HS6ST3: variants seen among roughly 807,000 people sequenced by gnomAD.
The protein encoded by HS6ST3 is heparan sulfate 6-O-sulfotransferase 3.
HS6ST3 carries 12 observed loss-of-function variants against 36.7 expected under a neutral mutation model. The observed-to-expected ratio is 0.33, with a 90% CI of 0.21 to 0.53. The LOEUF (loss-of-function observed/expected upper bound fraction) is 0.53. HS6ST3 is among the 20% of genes least tolerant of loss of function. HS6ST3 has a pLI of 0.95. For missense variants in HS6ST3, 584 were observed against 640.9 expected (o/e 0.91, Z 0.96); for synonymous variants, 240 against 257.5 (o/e 0.93, Z 0.65).
chr13:96,813,093 T>C (rs181164640), intron 1 of HS6ST3, among the ~76,000 whole-genome samples: 4 of 152,296 alleles, frequency 2.6e-5, no homozygotes, highest in Non-Finnish European at 4.4e-5. Flanking sequence ...TTAAAGCGCT[T>C]GCTTTTGAGA....
chr13:96,601,861 A>T (rs1297421452), intron 1 of HS6ST3, among the ~76,000 whole-genome samples: 2 of 152,114 alleles, frequency 1.3e-5, no homozygotes, highest in Non-Finnish European at 2.9e-5. Flanking sequence ...GGTGCTTTCC[A>T]TGGCAAAGAC....
chr13:96,160,252 C>G (rs2054129563), intron 1 of HS6ST3, among the ~76,000 whole-genome samples: 1 of 152,150 alleles, frequency 6.6e-6, no homozygotes, highest in South Asian at 2.1e-4. Flanking sequence ...TTATAGCTTT[C>G]TAAAGTCTTT....
chr13:96,248,121 C>T (rs2054592470), intron 1 of HS6ST3, among the ~76,000 whole-genome samples: 1 of 152,130 alleles, frequency 6.6e-6, no homozygotes, highest in South Asian at 2.1e-4. Context: ...TATTCAAATA[C>T]TTGCCCTAAA....
intron 1 of HS6ST3, among the ~76,000 whole-genome samples, chr13:96,689,554 G>A (rs1294183343): frequency 6.7e-6 from 1 of 149,482 alleles, no homozygotes; most frequent in East Asian, 2.0e-4. Flanking sequence ...TTAATTGGTT[G>A]CTTAGTCGTC....
intron 1 of HS6ST3, among the ~76,000 whole-genome samples, chr13:96,098,695 T>A (rs2053803640): frequency 6.6e-6 from 1 of 152,052 alleles, no homozygotes; most frequent in Non-Finnish European, 1.5e-5. Context: ...AACTCTGAAG[T>A]CAAACTACCT....
intron 1 of HS6ST3, among the ~76,000 whole-genome samples, chr13:96,795,614 G>T (rs1446949712): frequency 1.3e-5 from 2 of 152,066 alleles, no homozygotes; most frequent in Admixed American, 6.6e-5. Context: ...AATGCAACAG[G>T]AATATAACTG....
intron 1 of HS6ST3, among the ~76,000 whole-genome samples, chr13:96,591,390 T>A (rs2056381665): frequency 6.6e-6 from 1 of 152,106 alleles, no homozygotes; most frequent in Non-Finnish European, 1.5e-5. Flanking sequence ...TTTTATAGTT[T>A]TCATTGAAGA....
chr13:96,479,683 T>C (rs375646204), intron 1 of HS6ST3, among the ~76,000 whole-genome samples: 1 of 152,172 alleles, frequency 6.6e-6, no homozygotes, highest in African/African-American at 2.4e-5. Flanking sequence ...AAGCAGATGG[T>C]ATTAGATTAA....
intron 1 of HS6ST3, among the ~76,000 whole-genome samples, chr13:96,634,631 A>G (rs533369): frequency 0.99 from 150,787 of 152,210 alleles, 74,700 homozygotes; most frequent in Middle Eastern, 1. Flanking sequence ...ACTCTACCGC[A>G]ATGTGGCATT....
chr13:96,577,779 A>G (rs2138966730), intron 1 of HS6ST3, among the ~76,000 whole-genome samples: 1 of 152,324 alleles, frequency 6.6e-6, no homozygotes, highest in East Asian at 1.9e-4. Flanking sequence ...TGCAAATCAA[A>G]ACCACAATGA....
rs112269636 is a variant in HS6ST3, at chr13:96,626,833, A to AT, written c.708-205649dup. Reference sequence around the variant, plus strand: ...ATTGTTTGATGCTATTCTACATAGTATTTTTTTTAAAAAAATACATATTGT... The same window carrying AT: ...ATTGTTTGATGCTATTCTACATAGTATTTTTTTTTAAAAAAATACATATTGT... On this transcript the variant is annotated intron_variant, in intron 1 of 1. Transcript: ENST00000376705. Among the ~76,000 whole-genome samples the AT allele has an allele frequency of 5.8e-3, 878 of 152,048 alleles. 9 individuals carry two copies. The highest frequency in any genetic ancestry group is 0.02 in the African/African-American group (815 of 41,512).
At chr13:96,193,027 G>C (rs2054296125) in intron 1 of HS6ST3, among the ~76,000 whole-genome samples, 1 of 152,116 alleles carries the variant, frequency 6.6e-6, no homozygotes. Context: ...TCGGCAAATT[G>C]CAGAGCTGCC....
chr13:96,338,113 G>T (rs1229254629), intron 1 of HS6ST3, among the ~76,000 whole-genome samples: 2 of 151,602 alleles, frequency 1.3e-5, no homozygotes, highest in South Asian at 2.1e-4. Flanking sequence ...GCCATGTTTA[G>T]GTTCTTGTTT....
At chr13:96,539,545 C>G (rs1231052104) in intron 1 of HS6ST3, among the ~76,000 whole-genome samples, 1 of 152,024 alleles carries the variant, frequency 6.6e-6, no homozygotes, top group Admixed American at 6.6e-5. Context: ...TTAGTAGAGA[C>G]AGGGTTTCAT....
At chr13:96,790,693 T>TA (rs1877766053) in intron 1 of HS6ST3, among the ~76,000 whole-genome samples, 1 of 152,054 alleles carries the variant, frequency 6.6e-6, no homozygotes, top group African/African-American at 2.4e-5. Context: ...GACATTCTGT[T>TA]AAAAAATAAG....
At chr13:96,660,730 T>G (rs545480065) in intron 1 of HS6ST3, among the ~76,000 whole-genome samples, 1 of 152,290 alleles carries the variant, frequency 6.6e-6, no homozygotes, top group East Asian at 1.9e-4. Context: ...CCATGATGGT[T>G]AATATTAAGT....
chr13:96,291,795 G>T lies in HS6ST3; in HGVS notation c.707+200226G>T, dbSNP rs116624931. On this transcript the variant is annotated intron_variant, in intron 1 of 1. Coordinates refer to ENST00000376705, the MANE Select transcript of HS6ST3 (RefSeq NM_153456.4). ...GATTTGGGAAAGCTTATCTAGGCAG[G>T]ATTCTATTCCAATGAAATCAATGTA... is the stretch of plus-strand genomic sequence containing the variant. Among the ~76,000 whole-genome samples, 856 of 152,258 alleles carry T rather than the reference G, an allele frequency of 5.6e-3. 9 individuals are homozygous for T. The highest frequency in any genetic ancestry group is 0.02 in the African/African-American group (811 of 41,564).
chr13:96,306,583 G>C (rs1435496995), intron 1 of HS6ST3, among the ~76,000 whole-genome samples: 1 of 152,116 alleles, frequency 6.6e-6, no homozygotes, highest in Admixed American at 6.6e-5. Context: ...GTCCCTTTTA[G>C]AGTGACAGTG....
At chr13:96,244,487 C>G (rs1482640919) in intron 1 of HS6ST3, among the ~76,000 whole-genome samples, 6 of 152,120 alleles carry the variant, frequency 3.9e-5, no homozygotes, top group Non-Finnish European at 4.4e-5. Flanking sequence ...TGCTAATTTT[C>G]TTCTAATACA....
Sources: gnomAD v4.1 joint callset for allele counts (sites outside exome capture counted in the v4.1 genomes callset) on GRCh38, gnomAD v4.1.1 for gene constraint, MANE v1.5 for transcripts, NCBI Gene and HGNC (gene_info 2026-07-23, HGNC 2026-07-21) for gene names.